The following KATNAL2 variants were observed in gnomAD, a reference collection of about 807,000 sequenced individuals.
The protein encoded by KATNAL2 is katanin catalytic subunit A1 like 2, also known as katanin p60 ATPase-containing subunit A-like 2.
A neutral mutation model predicts 76.3 loss-of-function variants in KATNAL2; 52 were observed. The observed-to-expected ratio is 0.68, with a 90% CI of 0.55 to 0.86. The LOEUF is 0.86. KATNAL2 is among the 40% of genes least tolerant of loss of function. KATNAL2 has a pLI of 0.00. For synonymous variants in KATNAL2, 243 were observed against 244.2 expected, an observed-to-expected ratio of 1.00 and a Z score of 0.05; for missense variants, 660 against 668.9, an observed-to-expected ratio of 0.99 and a Z score of 0.15.
At chr18:46,949,853 C>A (rs2059497537) in intron 3 of KATNAL2, among the ~76,000 whole-genome samples, 1 of 152,098 alleles carries the variant, frequency 6.6e-6, no homozygotes, top group African/African-American at 2.4e-5. Context: ...TAGCTATTAC[C>A]CCTTGGTTTT....
intron 6 of KATNAL2, among the ~76,000 whole-genome samples, chr18:47,056,298 CAGTGTGACATG>C (rs2061469702): frequency 1.3e-5 from 2 of 152,358 alleles, no homozygotes; most frequent in African/African-American, 2.4e-5. Flanking sequence ...CCTGGGCCAA[CAGTGTGACATG>C]AGTGCTACTG....
At chr18:47,046,612 G>A (rs2061164868) in intron 4 of KATNAL2, 85 bp downstream of exon 4, 2 of 975,632 alleles carry the variant, frequency 2.0e-6, no homozygotes, top group African/African-American at 3.2e-5. Context: ...AAATACAATA[G>A]ACTTTCTTGT....
intron 1 of KATNAL2, among the ~76,000 whole-genome samples, chr18:46,939,102 G>A (rs919628262): frequency 3.3e-5 from 5 of 152,102 alleles, no homozygotes; most frequent in African/African-American, 1.2e-4. Flanking sequence ...AGCACTTTGG[G>A]AGGCCGAGGC....
At chr18:46,948,770 AC>A (rs1198697824) in intron 3 of KATNAL2, among the ~76,000 whole-genome samples, 1 of 151,948 alleles carries the variant, frequency 6.6e-6, no homozygotes, top group East Asian at 1.9e-4. Flanking sequence ...CCCCCAACCT[AC>A]CTCAACTGGA....
At chr18:47,035,743 G>T (rs1467144842) in intron 3 of KATNAL2, 5 of 204,052 alleles carry the variant, frequency 2.5e-5, no homozygotes, top group Non-Finnish European at 4.3e-5. Context: ...TTTCAGCCTC[G>T]ACACACCCCA....
At chr18:47,035,639 GC>G (rs2060739101) in intron 3 of KATNAL2, 2 of 434,160 alleles carry the variant, frequency 4.6e-6, no homozygotes, top group East Asian at 4.9e-5. Context: ...GGGCTGCCCC[GC>G]CCCCATACGT....
At chr18:46,919,940 G>A (rs1453040572) in intron 1 of KATNAL2, 10 of 574,986 alleles carry the variant, frequency 1.7e-5, no homozygotes, top group Admixed American at 2.6e-5. Context: ...AGGAGTTTTC[G>A]GGGAATAGAC....
Position 47,088,491 on chromosome 18 carries a change from G to C in KATNAL2, c.1212-10752G>C, listed in dbSNP as rs141410638. Among the ~76,000 whole-genome samples the C allele has an allele frequency of 3.2e-3, 492 of 152,242 alleles. 7 individuals carry two copies. The highest frequency in any genetic ancestry group is 0.026 in the East Asian group (133 of 5,178). Reference sequence around the variant, plus strand: ...ATTTATTTTACACTCTCTATCAGGGGAGTCTATTTCTGTTGTTAGTTTTTT... The same window carrying C: ...ATTTATTTTACACTCTCTATCAGGGCAGTCTATTTCTGTTGTTAGTTTTTT... On this transcript the variant is annotated intron_variant, in intron 15 of 17. Transcript: ENST00000683218.
At chr18:46,934,430 G>T (rs1568987468) in intron 1 of KATNAL2, among the ~76,000 whole-genome samples, 1 of 152,168 alleles carries the variant, frequency 6.6e-6, no homozygotes, top group African/African-American at 2.4e-5. Flanking sequence ...GTGTCTTTTG[G>T]CTGCATAAAT....
At chr18:47,100,787 G>C (rs1872251545) in intron 17 of KATNAL2, 79 bp from the exon 18 acceptor site, 7 of 1,510,322 alleles carry the variant, frequency 4.6e-6, no homozygotes, top group Non-Finnish European at 6.4e-6. Context: ...TATTTTGAAA[G>C]AAGGTCTATT....
chr18:46,953,913 C>CT (rs1195223384), intron 3 of KATNAL2, among the ~76,000 whole-genome samples: 3 of 152,028 alleles, frequency 2.0e-5, no homozygotes, highest in Non-Finnish European at 4.4e-5. Context: ...ATGTGTAGGT[C>CT]TTTTTTCTGA....
Position 47,085,363 on chromosome 18 carries a change from CT to C in KATNAL2, c.1211+7905del, listed in dbSNP as rs372497076. Reference sequence around the variant, plus strand: ...CATTCCTGGGCTCAAGCCAAGCTAACTTTGGGAGACATTTCGTTTATAGTTT... The same window carrying C: ...CATTCCTGGGCTCAAGCCAAGCTAACTTGGGAGACATTTCGTTTATAGTTT... On this transcript the variant is annotated intron_variant, in intron 15 of 17. Coordinates refer to ENST00000683218, the MANE Select transcript of KATNAL2 (RefSeq NM_001387690.1). 1.0e-3 allele frequency among the ~76,000 whole-genome samples: 152 copies of C among 152,282 alleles called. 1 individual carries two copies. The East Asian group carries it at 0.026, about 26-fold the overall frequency.
chr18:46,931,700 AAG>A (rs899592006), intron 1 of KATNAL2, among the ~76,000 whole-genome samples: 1 of 150,416 alleles, frequency 6.6e-6, no homozygotes. Context: ...GGAAGGAAGG[AAG>A]AGAGAGAGAA....
At chr18:47,081,000 TTCCTTCCC>T (rs1230620611) in intron 15 of KATNAL2, among the ~76,000 whole-genome samples, 3 of 149,994 alleles carry the variant, frequency 2.0e-5, no homozygotes, top group South Asian at 4.4e-4. Flanking sequence ...CCCTCCCTCC[TTCCTTCCC>T]TCCTTCCCTC....
intron 3 of KATNAL2, chr18:47,035,068 G>T (rs1162289135): frequency 6.2e-7 from 1 of 1,610,694 alleles, no homozygotes; most frequent in Non-Finnish European, 8.5e-7. Flanking sequence ...TAAGTCTCTG[G>T]CAAAGTCGCC....
intron 3 of KATNAL2, among the ~76,000 whole-genome samples, chr18:47,039,462 C>A (rs1412984752): frequency 6.6e-6 from 1 of 151,632 alleles, no homozygotes; most frequent in Middle Eastern, 3.2e-3. Context: ...CTTCCAGGAT[C>A]TTTTTTTTTC....
intron 13 of KATNAL2, among the ~76,000 whole-genome samples, chr18:47,072,432 G>C (rs909476595): frequency 2.0e-5 from 3 of 151,694 alleles, no homozygotes; most frequent in Non-Finnish European, 4.4e-5. Flanking sequence ...GTTTCTTTTG[G>C]GTGTTCTGTT....
intron 7 of KATNAL2, 61 bp from the exon 8 acceptor site, chr18:47,059,495 T>C: frequency 8.7e-7 from 1 of 1,143,488 alleles, no homozygotes; most frequent in South Asian, 1.2e-5. Context: ...AGTAGGCAGG[T>C]ACATCCAGCA....
intron 3 of KATNAL2, among the ~76,000 whole-genome samples, chr18:46,957,837 C>T (rs1352853072): frequency 6.6e-6 from 1 of 152,124 alleles, no homozygotes; most frequent in African/African-American, 2.4e-5. Flanking sequence ...GCTGAGAATA[C>T]AGGCGTGAGC....
Sources: allele counts gnomAD v4.1 joint callset (sites outside exome capture counted in the v4.1 genomes callset), GRCh38; gene constraint gnomAD v4.1.1; transcripts MANE v1.5; gene names NCBI Gene and HGNC (gene_info 2026-07-23, HGNC 2026-07-21).